Variants in KMT2E observed in about 807,000 individuals in gnomAD.
The protein encoded by KMT2E is lysine methyltransferase 2E (inactive).
In KMT2E, 30 loss-of-function variants were observed where a neutral mutation model predicts 184.6. The observed-to-expected ratio is 0.16, with a 90% confidence interval of 0.12 to 0.22. KMT2E has a LOEUF of 0.22. KMT2E is among the 10% of genes least tolerant of loss of function. The pLI, the probability that KMT2E is intolerant of heterozygous loss-of-function variation, is 1.00. For synonymous variants in KMT2E, 815 were observed against 776.5 expected (o/e 1.05, Z -0.82); for missense variants, 2,023 against 2,237.4 (o/e 0.90, Z 1.93).
intron 6 of KMT2E, among the ~76,000 whole-genome samples, chr7:105,068,746 A>G (rs1372408591): frequency 3.4e-5 from 5 of 145,556 alleles, no homozygotes; most frequent in Admixed American, 1.4e-4. Context: ...AAGTGTTGGG[A>G]TTACAGGCGA....
At chr7:105,053,005 A>G (rs1305984990) in intron 3 of KMT2E, among the ~76,000 whole-genome samples, 3 of 152,214 alleles carry the variant, frequency 2.0e-5, no homozygotes, top group East Asian at 1.9e-4. Flanking sequence ...AACGTATTTT[A>G]TAGCCTCTTC....
chr7:105,020,981 A>T (rs1486751447), intron 1 of KMT2E, among the ~76,000 whole-genome samples: 2 of 152,266 alleles, frequency 1.3e-5, no homozygotes, highest in East Asian at 3.8e-4. Flanking sequence ...AGACTAATAT[A>T]TGTAATCGTT....
chr7:105,081,469 G>A (rs1797763328), intron 12 of KMT2E, among the ~76,000 whole-genome samples: 2 of 151,486 alleles, frequency 1.3e-5, no homozygotes, highest in Admixed American at 1.3e-4. Flanking sequence ...CCACATTGTG[G>A]GCTCTAGGGG....
Position 105,106,098 on chromosome 7 carries a change from T to G in KMT2E, c.2596+95T>G, listed in dbSNP as rs534161223. 236 of 1,232,930 alleles carry G rather than the reference T, an allele frequency of 1.9e-4. 1 individual carries two copies. The South Asian group carries it at 3.3e-3, about 17-fold the overall frequency. 76.4% of individuals were successfully genotyped at this position (1,232,930 alleles called of 1,614,324 possible). On this transcript the variant is annotated intron_variant, in intron 19 of 26. Transcript: ENST00000311117. Reference sequence around the variant, plus strand: ...ATATTTCTAGTTACTGGTATGCACTTTAGAAGAGAAGCACATTGGTGTATA... The same window carrying G: ...ATATTTCTAGTTACTGGTATGCACTGTAGAAGAGAAGCACATTGGTGTATA...
rs748464165 is a variant in KMT2E, at chr7:105,106,706, T to C, written c.2781T>C (p.Tyr927=). ...KSDDETCRNG[Y]KPIYSPVTPV... is the part of the protein sequence containing the mutation. The stretch of plus-strand genomic sequence containing the variant: ...ATGATGAAACTTGTAGAAATGGTTA[T>C]AAACCCATATATTCACCAGTTACCC... The change falls in exon 20 of 27, where the codon TAT becomes TAC. Residue 927 remains tyrosine (Y), a synonymous_variant. Transcript: ENST00000311117. 9 of 1,613,798 alleles carry C rather than the reference T, an allele frequency of 5.6e-6. No individual in the cohort carries two copies. The highest frequency in any genetic ancestry group is 7.6e-6 in the Non-Finnish European group (9 of 1,179,750).
At chr7:105,078,657 CTTTTTTTTTT>C (rs71152940) in intron 11 of KMT2E, among the ~76,000 whole-genome samples, 179 bp from the exon 12 acceptor site, 2 of 46,674 alleles carry the variant, frequency 4.3e-5, no homozygotes, top group African/African-American at 1.9e-4. Flanking sequence ...CATGCCTGGC[CTTTTTTTTTT>C]TTTTTTTTTT....
chr7:105,022,316 A>G (rs1394560191), intron 1 of KMT2E, among the ~76,000 whole-genome samples: 4 of 152,106 alleles, frequency 2.6e-5, no homozygotes, highest in African/African-American at 9.7e-5. Flanking sequence ...TTTAATCTGG[A>G]ACAGTTCCTC....
intron 3 of KMT2E, among the ~76,000 whole-genome samples, chr7:105,050,357 T>C (rs1796276746): frequency 6.6e-6 from 1 of 152,212 alleles, no homozygotes; most frequent in African/African-American, 2.4e-5. Flanking sequence ...TCCTGGCTTA[T>C]TCTGTTATGC....
rs567151990 is a variant in KMT2E, at chr7:105,102,007, C to T, written c.2009C>T (p.Thr670Ile). Residue 670 changes from threonine (T) to isoleucine (I), a missense_variant, in exon 17 of 27, where the codon ACT becomes ATT. Thr to Ile is a moderately conservative substitution (Grantham distance 89). This residue lies in a region of KMT2E where 514 missense variants were observed against 621.8 expected (regional missense o/e 0.83). Transcript: ENST00000311117. Reference protein sequence around the residue: ...HIGQQRRRHRTVSMCSDIQPS... With the variant: ...HIGQQRRRHRIVSMCSDIQPS... ...GGACAGCAGCGTCGGAGACACAGAA[C>T]TGTCAGCATGTGTTCAGATATCCAG... is the stretch of plus-strand genomic sequence containing the variant. The T allele has an allele frequency of 3.1e-6, 5 of 1,613,882 alleles. No homozygotes were observed. The South Asian group carries it at 5.5e-5, about 18-fold the overall frequency.
intron 15 of KMT2E, among the ~76,000 whole-genome samples, chr7:105,092,029 C>T (rs1798225200): frequency 6.6e-6 from 1 of 152,134 alleles, no homozygotes; most frequent in Admixed American, 6.5e-5. Flanking sequence ...CTCCCCATTC[C>T]CCTTTACTTT....
intron 12 of KMT2E, among the ~76,000 whole-genome samples, chr7:105,079,856 T>A (rs925618946): frequency 4.8e-4 from 73 of 150,858 alleles, no homozygotes; most frequent in Middle Eastern, 6.8e-3. Flanking sequence ...TTATTATTAT[T>A]TTTGAGGCAG....
chr7:105,108,654 C>CTTGA (rs1799015271), intron 22 of KMT2E: 1 of 445,110 alleles, frequency 2.2e-6, no homozygotes, highest in Non-Finnish European at 4.3e-6. Flanking sequence ...GCTGTGTGAC[C>CTTGA]TTGAGTGAGT....
intron 16 of KMT2E, 127 bp from the exon 17 acceptor site, chr7:105,101,757 CTG>C: frequency 1.0e-6 from 1 of 974,280 alleles, no homozygotes; most frequent in Non-Finnish European, 1.5e-6. Flanking sequence ...TATATTATCT[CTG>C]TTCTTTATTA....
intron 1 of KMT2E, among the ~76,000 whole-genome samples, chr7:105,032,532 T>C (rs1216790244): frequency 6.6e-6 from 1 of 152,222 alleles, no homozygotes; most frequent in Non-Finnish European, 1.5e-5. Context: ...GACAGAGTCT[T>C]GGTCTGTTCC....
Position 105,089,324 on chromosome 7 carries a change from G to A in KMT2E, c.1359-685G>A, listed in dbSNP as rs73404019. ...GGCAATTCTCCTGCCTTAGCCTATC[G>A]CGTAGCCAGGATTACAGGTGCCTGC... On this transcript the variant is annotated intron_variant, in intron 13 of 26. Transcript: ENST00000311117. 2.5e-3 allele frequency: 980 copies of A among 384,836 alleles called. 10 individuals carry two copies. The highest frequency in any genetic ancestry group is 0.02 in the African/African-American group (898 of 45,442). 23.8% of individuals were successfully genotyped at this position (384,836 alleles called of 1,614,324 possible).
Position 105,076,214 on chromosome 7 carries a change from TG to T in KMT2E, c.768+136del, listed in dbSNP as rs1203677421. 3 of 627,520 alleles carry T rather than the reference TG, an allele frequency of 4.8e-6. No homozygotes were observed. The East Asian group carries it at 8.6e-5, about 18-fold the overall frequency. The allele number at this position is 627,520 out of a possible 1,614,324, so 38.9% of individuals were successfully genotyped here. On this transcript the variant is annotated intron_variant, in intron 9 of 26. Coordinates refer to ENST00000311117, the MANE Select transcript of KMT2E (RefSeq NM_182931.3). ...CTTTGCCTATTATCTTTACCAGGAG[TG>T]GGACCTTAGTTCTAATTGGAGTAAT... is the stretch of plus-strand genomic sequence containing the variant.
chr7:105,046,141 A>G (rs1221578455), intron 3 of KMT2E, among the ~76,000 whole-genome samples: 1 of 152,196 alleles, frequency 6.6e-6, no homozygotes, highest in Non-Finnish European at 1.5e-5. Flanking sequence ...ACTTAATAAA[A>G]TTAGTACTAT....
intron 20 of KMT2E, 63 bp from the exon 21 acceptor site, chr7:105,107,103 A>T (rs1798934209): frequency 1.1e-6 from 1 of 886,306 alleles, no homozygotes; most frequent in Non-Finnish European, 1.7e-6. Context: ...TCATTTCTAT[A>T]ATTATTATGG....
At chr7:105,111,103 A>C in intron 26 of KMT2E, 1 of 472,664 alleles carries the variant, frequency 2.1e-6, no homozygotes, top group Non-Finnish European at 3.7e-6. Flanking sequence ...TCAACAGCTT[A>C]CATTTTCTTC....
Sources: allele counts gnomAD v4.1 joint callset (sites outside exome capture counted in the v4.1 genomes callset), GRCh38; gene constraint gnomAD v4.1.1; regional missense constraint gnomAD v4.1.1; transcripts MANE v1.5; gene names NCBI Gene and HGNC (gene_info 2026-07-23, HGNC 2026-07-21).